Variants in ARGLU1 observed in about 807,000 individuals in gnomAD.
ARGLU1 encodes arginine and glutamate rich 1.
ARGLU1 carries 9 observed loss-of-function variants against 37.6 expected under a neutral mutation model. That is an observed-to-expected ratio of 0.24 (90% confidence interval 0.14 to 0.42). The LOEUF is 0.42. Ranked by LOEUF, ARGLU1 falls within the 10% of genes least tolerant of loss-of-function variation. ARGLU1 has a pLI of 1.00. For missense variants in ARGLU1, 211 were observed against 359.2 expected, an observed-to-expected ratio of 0.59 and a Z score of 3.34; for synonymous variants, 166 against 138.5, an observed-to-expected ratio of 1.20 and a Z score of -1.39.
intron 1 of ARGLU1, among the ~76,000 whole-genome samples, chr13:106,562,781 G>A (rs1450463535): frequency 1.3e-5 from 2 of 151,738 alleles, no homozygotes; most frequent in Non-Finnish European, 2.9e-5. Context: ...CATGAGGTCA[G>A]GAGATCGAGA....
rs776140465 is a variant in ARGLU1 at position 106,557,098 on chromosome 13, G to T, written c.607C>A (p.Arg203=). ...EERAKREELE[R]ILEENNRKIA... The stretch of plus-strand genomic sequence containing the variant: ...TTTCGGTTATTCTCTTCCAGTATTC[G>T]CTCTAGCTCCTCACGTTTTGCACGT... Residue 203 remains arginine, a synonymous_variant, in exon 3 of 4, where the codon CGA becomes AGA. Transcript: ENST00000400198. The surrounding 1 kb of genome is among the most constrained non-coding windows in gnomAD (Gnocchi z 5.0). The T allele has an allele frequency of 6.2e-7, 1 of 1,613,760 alleles. No homozygotes were observed. The highest frequency in any genetic ancestry group is 8.5e-7 in the Non-Finnish European group (1 of 1,179,862).
intron 3 of ARGLU1, among the ~76,000 whole-genome samples, chr13:106,554,023 T>C (rs960403459): frequency 3.3e-5 from 5 of 152,194 alleles, no homozygotes; most frequent in African/African-American, 1.2e-4. Context: ...CACACTCTTG[T>C]CTACCTCCTA....
chr13:106,544,896 CACTGGT>C, intron 3 of ARGLU1, among the ~76,000 whole-genome samples: 1 of 152,190 alleles, frequency 6.6e-6, no homozygotes, highest in East Asian at 1.9e-4. Flanking sequence ...TTCAAAAGGA[CACTGGT>C]ATAACTGATT....
At chr13:106,554,518 C>G (rs922963108) in intron 3 of ARGLU1, among the ~76,000 whole-genome samples, 13 of 152,176 alleles carry the variant, frequency 8.5e-5, no homozygotes, top group African/African-American at 2.9e-4. Context: ...CATCTTTATA[C>G]ATTTTTTGTC....
chr13:106,558,173 TCTTA>T (rs1337455065), intron 2 of ARGLU1: 2 of 984,714 alleles, frequency 2.0e-6, no homozygotes, highest in African/African-American at 1.8e-5. Context: ...GAGAAAAAAA[TCTTA>T]CTATGATTAA....
intron 2 of ARGLU1, chr13:106,559,161 T>C: frequency 1.4e-6 from 2 of 1,394,564 alleles, no homozygotes; most frequent in Non-Finnish European, 1.9e-6. Context: ...CCTGCAGCCA[T>C]GGCAAAAGTT....
intron 1 of ARGLU1, among the ~76,000 whole-genome samples, chr13:106,560,773 C>A (rs1880779342): frequency 1.3e-5 from 2 of 152,178 alleles, no homozygotes; most frequent in Non-Finnish European, 2.9e-5. Flanking sequence ...CCAACTTTCT[C>A]AAAATTAAAT....
chr13:106,548,005 G>C (rs1404724793), intron 3 of ARGLU1, among the ~76,000 whole-genome samples: 4 of 152,188 alleles, frequency 2.6e-5, no homozygotes, highest in Non-Finnish European at 4.4e-5. Flanking sequence ...CAGCAGAGTT[G>C]ATTTTCTCCG....
Position 106,544,053 on chromosome 13 carries a change from G to T in ARGLU1, c.765C>A (p.Ile255=). 3 of 1,604,678 alleles carry T rather than the reference G, an allele frequency of 1.9e-6. No individual in the cohort carries two copies. The highest frequency in any genetic ancestry group is 2.2e-5 in the South Asian group (2 of 89,240). ...TTGGCCTGGACTTCCCCTTGCCCAGGATAATTTTTTGTTCTTCTTTTTGTT... is the reference window on the plus strand; with the variant it reads ...TTGGCCTGGACTTCCCCTTGCCCAGTATAATTTTTTGTTCTTCTTTTTGTT... The part of the protein sequence containing the change: ...QRQQKEEQKI[I]LGKGKSRPKL... The change falls in exon 4 of 4, where the codon ATC becomes ATA. Residue 255 remains isoleucine, a synonymous_variant. Transcript: ENST00000400198.
chr13:106,563,003 A>AC (rs1375106406), intron 1 of ARGLU1, among the ~76,000 whole-genome samples: 24 of 122,184 alleles, frequency 2.0e-4, no homozygotes, highest in Non-Finnish European at 3.7e-4. Flanking sequence ...AAAAAAAAAA[A>AC]AAAAACAAAA....
Position 106,542,375 on chromosome 13 carries a change from T to C in ARGLU1, c.*1621A>G, listed in dbSNP as rs1168559187. On this transcript the variant is annotated 3_prime_UTR_variant, in exon 4 of 4. Transcript: ENST00000400198. ...AGATAAAATATTTTTTGGCAACCTA[T>C]ATTCTTTAGGAAAATAAAATGTTTG... 1.3e-5 allele frequency: 2 copies of C among 152,094 alleles called. No homozygotes were observed. Among genetic ancestry groups the C allele is most frequent in the Non-Finnish European group, 2.9e-5 (2 of 67,972 alleles). The allele number at this position is 152,094 out of a possible 1,614,324, so 9.4% of individuals were successfully genotyped here.
At chr13:106,564,308 A>G (rs184128516) in intron 1 of ARGLU1, among the ~76,000 whole-genome samples, 1 of 152,306 alleles carries the variant, frequency 6.6e-6, no homozygotes, top group Non-Finnish European at 1.5e-5. Flanking sequence ...GCCAAGTATC[A>G]CCTACTTTAA....
At chr13:106,554,026 A>G (rs1287752367) in intron 3 of ARGLU1, among the ~76,000 whole-genome samples, 1 of 152,000 alleles carries the variant, frequency 6.6e-6, no homozygotes. Context: ...ACTCTTGTCT[A>G]CCTCCTAATA....
chr13:106,557,710 G>T lies in ARGLU1; in HGVS notation c.574-579C>A. ...AACATACAAGGAAGGCTGAGCTGAGGAATGCAGATGTTTATGGTAAGAAGG... is the reference window on the plus strand; with the variant it reads ...AACATACAAGGAAGGCTGAGCTGAGTAATGCAGATGTTTATGGTAAGAAGG... On this transcript the variant is annotated intron_variant, in intron 2 of 3. Coordinates refer to ENST00000400198, the MANE Select transcript of ARGLU1 (RefSeq NM_018011.4). This position sits in a 1 kb window ranked among gnomAD's most constrained non-coding sequence, Gnocchi z 5.0. The T allele has an allele frequency of 6.8e-7, 1 of 1,480,868 alleles. No individual in the cohort carries two copies. The highest frequency in any genetic ancestry group is 9.0e-7 in the Non-Finnish European group (1 of 1,107,382). The allele number at this position is 1,480,868 out of a possible 1,614,324, so 91.7% of individuals were successfully genotyped here. A position where few individuals can be genotyped will look rare whatever the true frequency, so the allele number is the denominator to read the frequency against.
chr13:106,560,760 G>A (rs1045140871), intron 1 of ARGLU1, among the ~76,000 whole-genome samples: 1 of 152,168 alleles, frequency 6.6e-6, no homozygotes, highest in Non-Finnish European at 1.5e-5. Flanking sequence ...GACGATTCAT[G>A]TTCCAACTTT....
Position 106,557,465 on chromosome 13 carries a change from T to C in ARGLU1, c.574-334A>G. 1.0e-6 allele frequency: 1 copy of C among 965,784 alleles called. No individual in the cohort carries two copies. Among genetic ancestry groups the C allele is most frequent in the Non-Finnish European group, 1.4e-6 (1 of 715,168 alleles). 59.8% of individuals were successfully genotyped at this position (965,784 alleles called of 1,614,324 possible). ...CAAATTAAAAAAATAATATATAAAA[T>C]ATAAATAAAGTGAATATTTGTCTCA... On this transcript the variant is annotated intron_variant, in intron 2 of 3. Coordinates refer to ENST00000400198, the MANE Select transcript of ARGLU1 (RefSeq NM_018011.4). This position sits in a 1 kb window ranked among gnomAD's most constrained non-coding sequence, Gnocchi z 5.0.
Position 106,543,869 on chromosome 13 carries a change from A to G in ARGLU1, c.*127T>C. ...GGAATTGCAGAGCATAGCCCCTATTAGAACAAGCTAACTTTCCAGATTTTA... is the reference window on the plus strand; with the variant it reads ...GGAATTGCAGAGCATAGCCCCTATTGGAACAAGCTAACTTTCCAGATTTTA... On this transcript the variant is annotated 3_prime_UTR_variant, in exon 4 of 4. Coordinates refer to ENST00000400198, the MANE Select transcript of ARGLU1 (RefSeq NM_018011.4). 2.3e-6 allele frequency: 2 copies of G among 884,200 alleles called. No homozygotes were observed. The highest frequency in any genetic ancestry group is 3.6e-4 in the Middle Eastern group (1 of 2,778). 54.8% of individuals were successfully genotyped at this position (884,200 alleles called of 1,614,324 possible). A position where few individuals can be genotyped will look rare whatever the true frequency, so the allele number is the denominator to read the frequency against.
chr13:106,565,909 T>C (rs1488384304), intron 1 of ARGLU1, among the ~76,000 whole-genome samples: 1 of 152,244 alleles, frequency 6.6e-6, no homozygotes, highest in Non-Finnish European at 1.5e-5. Flanking sequence ...ATGCTTCTAT[T>C]TATTCTTTGC....
intron 3 of ARGLU1, among the ~76,000 whole-genome samples, chr13:106,553,393 T>C (rs1880582652): frequency 6.6e-6 from 1 of 152,226 alleles, no homozygotes; most frequent in Admixed American, 6.5e-5. Context: ...GACATTTCTA[T>C]TTTAAATAAT....
Sources: allele counts gnomAD v4.1 joint callset (sites outside exome capture counted in the v4.1 genomes callset), GRCh38; gene constraint gnomAD v4.1.1; non-coding constraint Gnocchi (gnomAD v3.1); transcripts MANE v1.5; gene names NCBI Gene and HGNC (gene_info 2026-07-23, HGNC 2026-07-21).